The following CMIP variants were observed in gnomAD, a reference collection of about 807,000 sequenced individuals.
The protein encoded by CMIP is c-Maf inducing protein.
In CMIP, 13 loss-of-function variants were observed where a neutral mutation model predicts 97.3. The ratio of observed to expected loss-of-function variants is 0.13; its 90% CI spans 0.09 to 0.21. CMIP has a LOEUF of 0.21. Among genes scored for constraint, CMIP ranks in the 10% least tolerant of loss-of-function variants. The pLI, the probability that CMIP is intolerant of heterozygous loss-of-function variation, is 1.00. For missense variants in CMIP, 847 were observed against 1,024.9 expected (o/e 0.83, Z 2.37); for synonymous variants, 538 against 436.3 (o/e 1.23, Z -2.91).
At chr16:81,687,279 G>C (rs1905511121) in intron 10 of CMIP, among the ~76,000 whole-genome samples, 1 of 152,234 alleles carries the variant, frequency 6.6e-6, no homozygotes, top group South Asian at 2.1e-4. Flanking sequence ...CCCTCCTGGG[G>C]TGGTCCGAGG....
At chr16:81,681,963 C>T (rs1051945720) in intron 10 of CMIP, among the ~76,000 whole-genome samples, 2 of 152,158 alleles carry the variant, frequency 1.3e-5, no homozygotes, top group African/African-American at 4.8e-5. Flanking sequence ...AATCCCAGCA[C>T]TTTAGGAGGC....
chr16:81,631,303 G>T (rs2092155405), intron 3 of CMIP: 1 of 152,226 alleles, frequency 6.6e-6, no homozygotes. Flanking sequence ...GACAGGCAGG[G>T]CTGTGAATTG....
In CMIP at chr16:81,655,273, T is replaced by C. The variant is rs1482729144; in HGVS notation, c.640-2502T>C. Among the ~76,000 whole-genome samples the C allele has an allele frequency of 2.0e-5, 3 of 152,182 alleles. No individual in the cohort carries two copies. The highest frequency in any genetic ancestry group is 4.4e-5 in the Non-Finnish European group (3 of 68,034). On this transcript the variant is annotated intron_variant, in intron 4 of 20. Coordinates refer to ENST00000537098, the MANE Select transcript of CMIP (RefSeq NM_198390.3). This position sits in a 1 kb window ranked among gnomAD's most constrained non-coding sequence, Gnocchi z 4.9. ...TGCCCAAGTTGTTTGCAAGGCCTCC[T>C]CTGGAGAGGTTCCAGGCATCACCAG... is the stretch of plus-strand genomic sequence containing the variant.
chr16:81,584,497 A>T (rs1461467700), intron 1 of CMIP, among the ~76,000 whole-genome samples: 1 of 152,196 alleles, frequency 6.6e-6, no homozygotes, highest in East Asian at 1.9e-4. Context: ...GTGTAAAATC[A>T]TCCTTCTTTT....
rs1597130680 is a variant in CMIP at position 81,597,999 on chromosome 16, T to G, written c.301-9568T>G. Among the ~76,000 whole-genome samples, 3 of 152,008 alleles carry G rather than the reference T, an allele frequency of 2.0e-5. No homozygotes were observed. In the East Asian group the frequency reaches 5.8e-4, roughly 29 times the overall value. On this transcript the variant is annotated intron_variant, in intron 1 of 20. Transcript: ENST00000537098. ...GAATTCAGTCCTTAGGTGACAGCTCTTATCCAGGGAGGGGACTGGAGGATC... is the reference window on the plus strand; with the variant it reads ...GAATTCAGTCCTTAGGTGACAGCTCGTATCCAGGGAGGGGACTGGAGGATC...
chr16:81,598,310 GCCTGGC>G (rs1170414648), intron 1 of CMIP, among the ~76,000 whole-genome samples: 1 of 152,072 alleles, frequency 6.6e-6, no homozygotes, highest in Non-Finnish European at 1.5e-5. Context: ...ACAGGGCGGC[GCCTGGC>G]CACATCTGGC....
At chr16:81,561,113 C>T (rs1000480720) in intron 1 of CMIP, among the ~76,000 whole-genome samples, 2 of 152,204 alleles carry the variant, frequency 1.3e-5, no homozygotes, top group African/African-American at 4.8e-5. Context: ...TGCCACCACG[C>T]TTGGCTACTT....
chr16:81,480,851 G>T (rs776022650), intron 1 of CMIP, among the ~76,000 whole-genome samples: 3 of 152,192 alleles, frequency 2.0e-5, no homozygotes, highest in Non-Finnish European at 2.9e-5. Flanking sequence ...CATGGAGGGA[G>T]TCTCCCCTTG....
chr16:81,542,964 T>C (rs1166255727), intron 1 of CMIP, among the ~76,000 whole-genome samples: 1 of 152,230 alleles, frequency 6.6e-6, no homozygotes, highest in Non-Finnish European at 1.5e-5. Context: ...GCTTGACTTG[T>C]GGCTTCACTC....
intron 10 of CMIP, among the ~76,000 whole-genome samples, chr16:81,687,763 G>A (rs907898075): frequency 6.6e-6 from 1 of 152,176 alleles, no homozygotes. Flanking sequence ...CCCAGCTTTT[G>A]GGGGCAAGAG....
At chr16:81,526,554 A>T (rs543971667) in intron 1 of CMIP, among the ~76,000 whole-genome samples, 24 of 152,136 alleles carry the variant, frequency 1.6e-4, no homozygotes, top group African/African-American at 5.8e-4. Flanking sequence ...GGGATCTGTT[A>T]CTCCATTGGA....
chr16:81,626,225 ATGTG>A (rs1165479996), intron 3 of CMIP, among the ~76,000 whole-genome samples: 1 of 150,822 alleles, frequency 6.6e-6, no homozygotes, highest in African/African-American at 2.4e-5. Context: ...GCGCGTGAGA[ATGTG>A]TGTAAGAGTG....
intron 1 of CMIP, among the ~76,000 whole-genome samples, chr16:81,528,302 G>A (rs909648307): frequency 9.9e-5 from 15 of 151,868 alleles, no homozygotes; most frequent in Non-Finnish European, 1.8e-4. Context: ...TCTAAACAAT[G>A]CCAAGGCTGG....
intron 6 of CMIP, among the ~76,000 whole-genome samples, chr16:81,661,913 A>G (rs1402768772): frequency 6.6e-6 from 1 of 152,134 alleles, no homozygotes; most frequent in Admixed American, 6.5e-5. Context: ...GGTACCTGTC[A>G]GGGCCTGGAA....
chr16:81,656,198 T>C (rs1022169307), intron 4 of CMIP, among the ~76,000 whole-genome samples: 1 of 152,212 alleles, frequency 6.6e-6, no homozygotes, highest in Non-Finnish European at 1.5e-5. Flanking sequence ...CTGACCTGGC[T>C]TCACGGCCTC....
chr16:81,451,042 G>GT (rs1348382372), intron 1 of CMIP, among the ~76,000 whole-genome samples: 18 of 152,202 alleles, frequency 1.2e-4, no homozygotes, highest in Admixed American at 9.2e-4. Flanking sequence ...TTGTAGAAGT[G>GT]TATCACAGTA....
intron 1 of CMIP, among the ~76,000 whole-genome samples, chr16:81,517,215 G>C (rs113877773): frequency 1.9e-4 from 19 of 100,458 alleles, no homozygotes; most frequent in Middle Eastern, 6.2e-3. Flanking sequence ...AAGGTCATCA[G>C]TGAAAAGCCA....
chr16:81,689,789 T>C (rs1047173621), intron 10 of CMIP, among the ~76,000 whole-genome samples: 8 of 152,258 alleles, frequency 5.3e-5, no homozygotes, highest in Non-Finnish European at 1.2e-4. Flanking sequence ...TGGTTTTAGG[T>C]CTAACATTTA....
At chr16:81,495,862 A>G (rs976542792) in intron 1 of CMIP, among the ~76,000 whole-genome samples, 2 of 151,890 alleles carry the variant, frequency 1.3e-5, no homozygotes, top group African/African-American at 2.4e-5. Flanking sequence ...CATTCCCCCA[A>G]CTAGACAGGA....
Sources: allele counts gnomAD v4.1 joint callset (sites outside exome capture counted in the v4.1 genomes callset), GRCh38; gene constraint gnomAD v4.1.1; non-coding constraint Gnocchi (gnomAD v3.1); transcripts MANE v1.5; gene names NCBI Gene and HGNC (gene_info 2026-07-23, HGNC 2026-07-21).